Variants in FAM227B observed in about 807,000 individuals in gnomAD.
FAM227B encodes family with sequence similarity 227 member B.
Under a neutral mutation model 73.8 loss-of-function variants are expected in FAM227B, and 88 were observed. The observed-to-expected ratio is 1.19, with a 90% CI of 1.00 to 1.42. The LOEUF (loss-of-function observed/expected upper bound fraction) is 1.42, where lower values mean the gene tolerates loss of function less well. Ranked by LOEUF, FAM227B falls within the 40% of genes most tolerant of loss-of-function variation. The pLI is 0.00. For synonymous variants in FAM227B, 210 were observed against 190.5 expected (o/e 1.10, Z -0.84); for missense variants, 632 against 590.9 (o/e 1.07, Z -0.72).
At position 49,345,508 on chromosome 15, in the gene FAM227B, C is replaced by A. The variant is rs2041346463; in HGVS notation, c.1272-10012G>T. ...AGACACTTATAACTATAAATTTTTT[C>A]CGAATTAGATAAAACAGAATACTTA... On this transcript the variant is annotated intron_variant, in intron 13 of 15. Coordinates refer to ENST00000299338, the MANE Select transcript of FAM227B (RefSeq NM_152647.3). Among the ~76,000 whole-genome samples, 5 of 152,228 alleles carry A rather than the reference C, an allele frequency of 3.3e-5. No homozygotes were observed. The South Asian group carries it at 1.0e-3, about 32-fold the overall frequency.
chr15:49,504,795 C>CT (rs1567427830), intron 11 of FAM227B, among the ~76,000 whole-genome samples: 1 of 152,080 alleles, frequency 6.6e-6, no homozygotes, highest in African/African-American at 2.4e-5. Flanking sequence ...AATTGAGCCT[C>CT]TTTTTTCCTA....
At chr15:49,574,554 T>C (rs2075325468) in intron 8 of FAM227B, among the ~76,000 whole-genome samples, 1 of 152,204 alleles carries the variant, frequency 6.6e-6, no homozygotes, top group Admixed American at 6.5e-5. Flanking sequence ...GTAAGTTTCC[T>C]GAGGCCTCCA....
intron 11 of FAM227B, chr15:49,422,642 G>C: frequency 9.2e-7 from 1 of 1,092,210 alleles, no homozygotes; most frequent in Non-Finnish European, 1.3e-6. Flanking sequence ...GGAACAGCAG[G>C]TAACTTGCCC....
At chr15:49,494,089 A>G (rs973626504) in intron 11 of FAM227B, among the ~76,000 whole-genome samples, 14 of 152,022 alleles carry the variant, frequency 9.2e-5, no homozygotes, top group Admixed American at 8.5e-4. Flanking sequence ...TGTCAAGAAA[A>G]AAACTTCCTA....
At chr15:49,501,898 C>T (rs1879406569) in intron 11 of FAM227B, among the ~76,000 whole-genome samples, 1 of 152,204 alleles carries the variant, frequency 6.6e-6, no homozygotes. Flanking sequence ...CTGCTCTGTG[C>T]ATCCCAGCTG....
At chr15:49,470,644 C>A (rs1263644748) in intron 11 of FAM227B, among the ~76,000 whole-genome samples, 1 of 152,132 alleles carries the variant, frequency 6.6e-6, no homozygotes, top group Non-Finnish European at 1.5e-5. Context: ...GCCTCAACAT[C>A]CATTGGGCCT....
intron 11 of FAM227B, among the ~76,000 whole-genome samples, chr15:49,462,110 C>A (rs1276525753): frequency 6.6e-6 from 1 of 151,756 alleles, no homozygotes; most frequent in Admixed American, 6.6e-5. Context: ...CAGAGTGAGA[C>A]TCCATCTCAA....
chr15:49,462,196 A>T (rs909718370), intron 11 of FAM227B, among the ~76,000 whole-genome samples: 2 of 152,126 alleles, frequency 1.3e-5, no homozygotes, highest in African/African-American at 4.8e-5. Flanking sequence ...ATGACTTAGG[A>T]GGATCTGGGA....
intron 11 of FAM227B, among the ~76,000 whole-genome samples, chr15:49,506,850 AAG>A (rs1182324678): frequency 6.6e-6 from 1 of 152,062 alleles, no homozygotes; most frequent in Non-Finnish European, 1.5e-5. Context: ...AAAAAGAAGA[AAG>A]AGAATGATTT....
At chr15:49,386,768 G>A (rs1204849714) in intron 11 of FAM227B, among the ~76,000 whole-genome samples, 1 of 151,580 alleles carries the variant, frequency 6.6e-6, no homozygotes, top group Non-Finnish European at 1.5e-5. Flanking sequence ...GATTAACCAA[G>A]AAGAGGGAAG....
At chr15:49,347,994 G>A (rs1363767378) in intron 13 of FAM227B, among the ~76,000 whole-genome samples, 1 of 144,180 alleles carries the variant, frequency 6.9e-6, no homozygotes, top group Non-Finnish European at 1.5e-5. Context: ...ACTCCAGCCT[G>A]GGTGACAAGA....
intron 11 of FAM227B, among the ~76,000 whole-genome samples, chr15:49,439,338 A>C (rs931421338): frequency 1.3e-5 from 2 of 151,368 alleles, no homozygotes; most frequent in African/African-American, 4.8e-5. Flanking sequence ...GAGAGAGAGA[A>C]TCTTTAAGAT....
At position 49,541,826 on chromosome 15, in the gene FAM227B, T is replaced by C; in HGVS notation, c.748-20A>G. ...ATATATCTACCAAAATAAAATCAAATTAGATTAATTTTATATTTTTAAATT... is the reference window on the plus strand; with the variant it reads ...ATATATCTACCAAAATAAAATCAAACTAGATTAATTTTATATTTTTAAATT... On this transcript the variant is annotated intron_variant, in intron 9 of 15. Transcript: ENST00000299338. 1 of 1,342,034 alleles carries C rather than the reference T, an allele frequency of 7.5e-7. No homozygotes were observed. The highest frequency in any genetic ancestry group is 9.7e-7 in the Non-Finnish European group (1 of 1,031,330). The allele number at this position is 1,342,034 out of a possible 1,614,324, so 83.1% of individuals were successfully genotyped here.
At chr15:49,605,914 C>T (rs113300981) in intron 3 of FAM227B, among the ~76,000 whole-genome samples, 1,701 of 152,152 alleles carry the variant, frequency 0.011, 35 homozygotes, top group African/African-American at 0.039. Context: ...TCTACAGGTG[C>T]TGGCCTGGAG....
intron 2 of FAM227B, 36 bp from the exon 3 acceptor site, chr15:49,611,304 AACTC>A: frequency 8.8e-7 from 1 of 1,142,514 alleles, no homozygotes; most frequent in Non-Finnish European, 1.3e-6. Context: ...CATTGGCATA[AACTC>A]ACTAGACTGT....
intron 11 of FAM227B, among the ~76,000 whole-genome samples, chr15:49,458,144 A>G (rs1435567798): frequency 2.2e-4 from 33 of 152,138 alleles, no homozygotes; most frequent in East Asian, 1.9e-4. Context: ...GAAGGTATTT[A>G]TAATCACTAA....
In FAM227B at chr15:49,328,191, A is replaced by T; in HGVS notation, c.*377T>A. ...GTAAAAAGTCTGAGAGAAACTACTTAGGGCACTTAGGAATTGGCAGGACTT... is the reference window on the plus strand; with the variant it reads ...GTAAAAAGTCTGAGAGAAACTACTTTGGGCACTTAGGAATTGGCAGGACTT... On this transcript the variant is annotated 3_prime_UTR_variant, in exon 16 of 16. Coordinates refer to ENST00000299338, the MANE Select transcript of FAM227B (RefSeq NM_152647.3). The T allele has an allele frequency of 6.3e-7, 1 of 1,584,160 alleles. No homozygotes were observed. The highest frequency in any genetic ancestry group is 8.6e-7 in the Non-Finnish European group (1 of 1,163,144).
At chr15:49,409,524 T>A (rs1050601483) in intron 11 of FAM227B, among the ~76,000 whole-genome samples, 7 of 149,738 alleles carry the variant, frequency 4.7e-5, no homozygotes, top group African/African-American at 1.7e-4. Flanking sequence ...TATAGTTATA[T>A]ATATGTATAT....
At chr15:49,485,443 T>C (rs944420418) in intron 11 of FAM227B, 1 of 151,966 alleles carries the variant, frequency 6.6e-6, no homozygotes, top group Non-Finnish European at 1.5e-5. Context: ...TTGAACTTTA[T>C]TGTTTTGTTA....
Sources: gnomAD v4.1 joint callset for allele counts (sites outside exome capture counted in the v4.1 genomes callset) on GRCh38, gnomAD v4.1.1 for gene constraint, MANE v1.5 for transcripts, NCBI Gene and HGNC (gene_info 2026-07-23, HGNC 2026-07-21) for gene names.